Variants in TAC3 observed in about 807,000 individuals in gnomAD.
TAC3 encodes the protein tachykinin-3.
A neutral mutation model predicts 16.5 loss-of-function variants in TAC3; 9 were observed. The ratio of observed to expected loss-of-function variants is 0.55; its 90% CI spans 0.33 to 0.95. The LOEUF (loss-of-function observed/expected upper bound fraction) is 0.95. TAC3 is among the 40% of genes least tolerant of loss of function. The probability of loss-of-function intolerance (pLI) is 0.03; values close to 1 mark genes in which losing one functional copy is unlikely to be tolerated. For synonymous variants in TAC3, 52 were observed against 56.7 expected, an observed-to-expected ratio of 0.92 and a Z score of 0.37; for missense variants, 129 against 149.1, an observed-to-expected ratio of 0.87 and a Z score of 0.70.
At chr12:57,012,505 C>T in intron 5 of TAC3, 53 bp from the exon 6 acceptor site, 1 of 1,608,630 alleles carries the variant, frequency 6.2e-7, no homozygotes, top group Non-Finnish European at 8.5e-7. Context: ...ATGTGAACTA[C>T]ACCCTGATCC....
chr12:57,014,914 A>G (rs1489902322), intron 2 of TAC3, among the ~76,000 whole-genome samples: 2 of 152,214 alleles, frequency 1.3e-5, no homozygotes, highest in Non-Finnish European at 2.9e-5. Context: ...TGAATTTGTA[A>G]TAAGTCCCAC....
At chr12:57,015,163 T>C (rs1380590837) in intron 2 of TAC3, among the ~76,000 whole-genome samples, 1 of 152,016 alleles carries the variant, frequency 6.6e-6, no homozygotes. Context: ...GGGGTTGGGA[T>C]CTTAGAAGCA....
chr12:57,013,543 C>T, intron 3 of TAC3, 35 bp downstream of exon 3: 1 of 1,604,096 alleles, frequency 6.2e-7, no homozygotes, highest in South Asian at 1.1e-5. Flanking sequence ...AGAATCCTGC[C>T]CCTCATTCCC....
At chr12:57,012,098 G>T in intron 6 of TAC3, 1 of 461,594 alleles carries the variant, frequency 2.2e-6, no homozygotes. Context: ...ATTGCCCATC[G>T]GGGAAGCCCC....
chr12:57,015,954 G>A lies in TAC3; in HGVS notation c.-5-152C>T, dbSNP rs572511331. ...CTGTCCAAGCCCTGGTCTGGAGAGA[G>A]GGTGGAAAGTATTTCTGAGAAGGGG... is the stretch of plus-strand genomic sequence containing the variant. On this transcript the variant is annotated intron_variant, in intron 1 of 6. Transcript: ENST00000458521. Among the ~76,000 whole-genome samples the A allele has an allele frequency of 2.0e-5, 3 of 152,354 alleles. No homozygotes were observed. The South Asian group carries it at 6.2e-4, about 32-fold the overall frequency.
intron 4 of TAC3, chr12:57,013,134 T>A: frequency 1.4e-6 from 1 of 720,996 alleles, no homozygotes; most frequent in Non-Finnish European, 2.3e-6. Context: ...TCCCCTTGTT[T>A]TCCAAGGACC....
chr12:57,015,916 G>T, intron 1 of TAC3, 114 bp from the exon 2 acceptor site: 3 of 828,682 alleles, frequency 3.6e-6, no homozygotes, highest in Non-Finnish European at 4.0e-6. Context: ...TGCTTCCCCA[G>T]CCCCCAACTC....
At chr12:57,011,595 C>A (rs1956298806) in intron 6 of TAC3, among the ~76,000 whole-genome samples, 1 of 152,194 alleles carries the variant, frequency 6.6e-6, no homozygotes, top group African/African-American at 2.4e-5. Context: ...TCCCCCATAC[C>A]TCCCAAACTG....
At chr12:57,012,278 A>T in intron 6 of TAC3, 100 bp downstream of exon 6, 1 of 1,147,238 alleles carries the variant, frequency 8.7e-7, no homozygotes, top group Non-Finnish European at 1.3e-6. Context: ...GGGCAAATCT[A>T]TGAGCTTTAA....
At chr12:57,012,574 T>A (rs1401108796) in intron 5 of TAC3, 122 bp from the exon 6 acceptor site, 1 of 1,602,100 alleles carries the variant, frequency 6.2e-7, no homozygotes. Context: ...GAGACTGGGG[T>A]GGAAGCAGAG....
chr12:57,015,873 G>C (rs1300436196), intron 1 of TAC3, 71 bp from the exon 2 acceptor site: 13 of 1,337,232 alleles, frequency 9.7e-6, no homozygotes, highest in Non-Finnish European at 1.4e-5. Context: ...GAAGACACAA[G>C]AGACATTCAT....
chr12:57,012,226 G>T, intron 6 of TAC3, 152 bp downstream of exon 6: 1 of 708,628 alleles, frequency 1.4e-6, no homozygotes, highest in Non-Finnish European at 2.5e-6. Context: ...AAGTGTCTTT[G>T]TGTTTGGCCG....
chr12:57,012,398 T>A lies in TAC3; in HGVS notation c.347A>T (p.Tyr116Phe). 1 of 1,613,896 alleles carries A rather than the reference T, an allele frequency of 6.2e-7. No homozygotes were observed. Among genetic ancestry groups the A allele is most frequent in the Non-Finnish European group, 8.5e-7 (1 of 1,179,920 alleles). The change falls in exon 6 of 7, where the codon TAT becomes TTT. Residue 116 changes from tyrosine to phenylalanine, a missense_variant. Transcript: ENST00000458521. ...CTTACCCTATTCTGCTCTCGGGGGA[T>A]ACTTGAGGATGCCAAAGCTGGGGAC... ...ENVPSFGILK[Y>F]PPRAE
chr12:57,010,230 G>T lies in TAC3; in HGVS notation c.*60C>A, dbSNP rs1284313834. 2.2e-6 allele frequency: 1 copy of T among 454,044 alleles called. No individual in the cohort carries two copies. The highest frequency in any genetic ancestry group is 1.6e-5 in the South Asian group (1 of 64,460). The allele number at this position is 454,044 out of a possible 1,614,324, so 28.1% of individuals were successfully genotyped here. A position where few individuals can be genotyped will look rare whatever the true frequency, so the allele number is the denominator to read the frequency against. On this transcript the variant is annotated 3_prime_UTR_variant, in exon 7 of 7. Transcript: ENST00000458521. Reference sequence around the variant, plus strand: ...AGGGTAACAGGAGCGTGCGCACCTGGGGATTGGGACAGGGAAAGAGGTCTT... The same window carrying T: ...AGGGTAACAGGAGCGTGCGCACCTGTGGATTGGGACAGGGAAAGAGGTCTT...
intron 4 of TAC3, 116 bp from the exon 5 acceptor site, chr12:57,012,991 A>C: frequency 1.5e-6 from 2 of 1,311,340 alleles, no homozygotes; most frequent in Non-Finnish European, 1.1e-6. Context: ...TTTCTTGTCA[A>C]AGCATGACTC....
chr12:57,013,585 A>T lies in TAC3; in HGVS notation c.201T>A (p.Ala67=). The T allele has an allele frequency of 6.2e-7, 1 of 1,613,372 alleles. No individual in the cohort carries two copies. Among genetic ancestry groups the T allele is most frequent in the Admixed American group, 1.7e-5 (1 of 59,952 alleles). The change falls in exon 3 of 7, where the codon GCT becomes GCA. Residue 67 remains alanine (A), a synonymous_variant. Coordinates refer to ENST00000458521, the MANE Select transcript of TAC3 (RefSeq NM_013251.4). ...CCTAGGGCCGCCTCCTACCTGTGCT[A>T]GCCTGGCTCAGGGCTTTGAGCAATC... ...LEGLLKALSQ[A]STDPKESTSP...
chr12:57,012,948 C>T, intron 4 of TAC3, 73 bp from the exon 5 acceptor site: 1 of 1,583,242 alleles, frequency 6.3e-7, no homozygotes. Context: ...TGGGTCAACA[C>T]TTCTGAGACT....
Position 57,012,400 on chromosome 12 carries a change from C to T in TAC3, c.345G>A (p.Lys115=), listed in dbSNP as rs1956312358. ...QENVPSFGIL[K]YPPRAE ...TACCCTATTCTGCTCTCGGGGGATA[C>T]TTGAGGATGCCAAAGCTGGGGACGT... Residue 115 remains lysine (K), a synonymous_variant, in exon 6 of 7, where the codon AAG becomes AAA. Coordinates refer to ENST00000458521, the MANE Select transcript of TAC3 (RefSeq NM_013251.4). The T allele has an allele frequency of 1.2e-6, 2 of 1,612,394 alleles. No individual in the cohort carries two copies. The highest frequency in any genetic ancestry group is 1.3e-5 in the African/African-American group (1 of 74,948).
At chr12:57,013,283 A>G in intron 4 of TAC3, 76 bp downstream of exon 4, 1 of 1,558,550 alleles carries the variant, frequency 6.4e-7, no homozygotes, top group African/African-American at 1.4e-5. Context: ...GGCTGGACAA[A>G]ATGGCCCCTG....
Sources: allele counts gnomAD v4.1 joint callset (sites outside exome capture counted in the v4.1 genomes callset), GRCh38; gene constraint gnomAD v4.1.1; transcripts MANE v1.5; gene names NCBI Gene and HGNC (gene_info 2026-07-23, HGNC 2026-07-21).